PRIM2: variants seen among roughly 807,000 people sequenced by gnomAD.
PRIM2 encodes the protein DNA primase large subunit.
Under a neutral mutation model 67.3 loss-of-function variants are expected in PRIM2, and 39 were observed. That is an observed-to-expected ratio of 0.58 (90% CI 0.45 to 0.76). The LOEUF (loss-of-function observed/expected upper bound fraction) is 0.76, where lower values mean the gene tolerates loss of function less well. Among genes scored for constraint, PRIM2 ranks in the 30% least tolerant of loss-of-function variants. The pLI, the probability that PRIM2 is intolerant of heterozygous loss-of-function variation, is 0.00. For synonymous variants in PRIM2, 143 were observed against 198.7 expected (o/e 0.72, Z 2.36); for missense variants, 398 against 598.7 (o/e 0.66, Z 3.50).
At chr6:57,474,633 C>T (rs1773430804) in intron 7 of PRIM2, among the ~76,000 whole-genome samples, 1 of 151,916 alleles carries the variant, frequency 6.6e-6, no homozygotes, top group Non-Finnish European at 1.5e-5. Context: ...AGGGAGAATA[C>T]TACTACTGCT....
At chr6:57,493,087 A>G (rs1554346114) in intron 7 of PRIM2, among the ~76,000 whole-genome samples, 2 of 152,208 alleles carry the variant, frequency 1.3e-5, no homozygotes, top group African/African-American at 4.8e-5. Flanking sequence ...TTCCGCCTGG[A>G]TGCTTAACAG....
chr6:57,507,260 G>T (rs2127459609), intron 7 of PRIM2, 127 bp from the exon 8 acceptor site: 1 of 867,940 alleles, frequency 1.2e-6, no homozygotes, highest in Non-Finnish European at 1.7e-6. Flanking sequence ...TGAAAAAAGA[G>T]AAATAGAACC....
chr6:57,242,024 A>G, the PRIM2 span, among the ~76,000 whole-genome samples: 2 of 152,188 alleles, frequency 1.3e-5, no homozygotes, highest in Non-Finnish European at 2.9e-5. Context: ...AAGACATTAC[A>G]TTAAAATTTT....
At position 57,532,413 on chromosome 6, in the gene PRIM2, A is replaced by G. The variant is rs1774911356; in HGVS notation, c.764A>G (p.His255Arg). Residue 255 changes from histidine to arginine, a missense_variant and splice_region_variant, in exon 9 of 14, where the codon CAT (histidine) becomes CGT (arginine). Physicochemically the swap from His to Arg is conservative, Grantham distance 29 (BLOSUM62 0). Transcript: ENST00000615550. ...TATTTTTTTTTCTTTTTTTAAAGTC[A>G]TTCCTACACTGGCCAAGATTACAGT... is the stretch of plus-strand genomic sequence containing the variant. The part of the protein sequence containing the change: ...RLQPLLNHLS[H>R]SYTGQDYSTQ... 2.2e-6 allele frequency: 3 copies of G among 1,347,318 alleles called. No individual in the cohort carries two copies. The Admixed American group carries it at 8.0e-5, about 36-fold the overall frequency. The allele number at this position is 1,347,318 out of a possible 1,614,324, so 83.5% of individuals were successfully genotyped here.
chr6:57,468,245 G>A (rs1244742997), intron 7 of PRIM2, among the ~76,000 whole-genome samples: 12 of 152,276 alleles, frequency 7.9e-5, no homozygotes, highest in East Asian at 3.8e-4. Flanking sequence ...TGCCCATTCC[G>A]TATGATATTG....
chr6:57,246,870 T>C, the PRIM2 span, among the ~76,000 whole-genome samples: 1 of 151,934 alleles, frequency 6.6e-6, no homozygotes, highest in Non-Finnish European at 1.5e-5. Flanking sequence ...TTTTTTTTTT[T>C]TTGAGACGGA....
chr6:57,446,097 A>C (rs530241857), intron 7 of PRIM2, among the ~76,000 whole-genome samples: 4 of 152,322 alleles, frequency 2.6e-5, no homozygotes, highest in Admixed American at 1.3e-4. Flanking sequence ...TGAGGAGTAA[A>C]TACTTCCTCA....
At chr6:57,290,479 T>G in the PRIM2 span, among the ~76,000 whole-genome samples, 1 of 152,186 alleles carries the variant, frequency 6.6e-6, no homozygotes, top group African/African-American at 2.4e-5. Flanking sequence ...ATCCAGGACT[T>G]GAACTCACCT....
At chr6:57,522,686 A>G (rs1774651079) in intron 8 of PRIM2, among the ~76,000 whole-genome samples, 1 of 152,152 alleles carries the variant, frequency 6.6e-6, no homozygotes, top group Non-Finnish European at 1.5e-5. Context: ...ACTATGAAAA[A>G]TTGTGAATGA....
intron 10 of PRIM2, among the ~76,000 whole-genome samples, chr6:57,600,468 C>A (rs1465233769): frequency 6.6e-6 from 1 of 152,000 alleles, no homozygotes; most frequent in African/African-American, 2.4e-5. Context: ...AGTGATAATT[C>A]TGCCTCAGGC....
At chr6:57,288,708 G>A in the PRIM2 span, among the ~76,000 whole-genome samples, 2 of 152,104 alleles carry the variant, frequency 1.3e-5, no homozygotes, top group African/African-American at 4.8e-5. Flanking sequence ...GCAGCTGAGG[G>A]GCCTGACTGT....
chr6:57,246,582 G>A, the PRIM2 span, among the ~76,000 whole-genome samples: 1 of 152,092 alleles, frequency 6.6e-6, no homozygotes, highest in Non-Finnish European at 1.5e-5. Flanking sequence ...CACTAATCAG[G>A]GTGTAGGTAC....
rs1774614605 is a variant in PRIM2, at chr6:57,521,336, A to G, written c.762-11075A>G. Among the ~76,000 whole-genome samples the G allele has an allele frequency of 2.8e-5, 4 of 142,370 alleles. No individual in the cohort carries two copies. The South Asian group carries it at 8.9e-4, about 32-fold the overall frequency. The allele number at this position is 142,370 out of a possible 152,430, so 93.4% of individuals were successfully genotyped here. A position where few individuals can be genotyped will look rare whatever the true frequency, so the allele number is the denominator to read the frequency against. On this transcript the variant is annotated intron_variant, in intron 8 of 13. Coordinates refer to ENST00000615550, the MANE Select transcript of PRIM2 (RefSeq NM_000947.5). ...AAAGTGCAGGGACTGTGCTTTCTAA[A>G]TGTCTGAGTGGCTTAGTTTATGTGG...
At position 57,542,939 on chromosome 6, in the gene PRIM2, A is replaced by ATTTTTTTTTTTTTTTTTTTTTTTTTTTT. The variant is rs1193756482; in HGVS notation, c.1020+5333_1020+5334insTTTTTTTTTTTTTTTTTTTTTTTTTTTT. ...GTTGGCTTAAAATACTGCTTATAGG[A>ATTTTTTTTTTTTTTTTTTTTTTTTTTTT]TTTTTTTTTTTTTTTTTTTGAGACG... On this transcript the variant is annotated intron_variant, in intron 10 of 13. Transcript: ENST00000615550. Among the ~76,000 whole-genome samples the ATTTTTTTTTTTTTTTTTTTTTTTTTTTT allele has an allele frequency of 3.6e-4, 26 of 71,898 alleles. 8 individuals are homozygous for ATTTTTTTTTTTTTTTTTTTTTTTTTTTT. The highest frequency in any genetic ancestry group is 5.2e-4 in the Non-Finnish European group (20 of 38,826). The allele number at this position is 71,898 out of a possible 152,430, so 47.2% of individuals were successfully genotyped here.
intron 13 of PRIM2, among the ~76,000 whole-genome samples, chr6:57,639,751 C>CAA (rs1240205960): frequency 4.3e-5 from 6 of 138,238 alleles, no homozygotes; most frequent in African/African-American, 1.3e-4. Flanking sequence ...GCCTATCAAC[C>CAA]AAAAAAAAAA....
chr6:57,263,654 C>G, the PRIM2 span, among the ~76,000 whole-genome samples: 1 of 152,130 alleles, frequency 6.6e-6, no homozygotes, highest in Non-Finnish European at 1.5e-5. Flanking sequence ...TTTCAAAATA[C>G]CTTCTTGGGG....
At chr6:57,492,032 C>A (rs1382518440) in intron 7 of PRIM2, among the ~76,000 whole-genome samples, 1 of 152,104 alleles carries the variant, frequency 6.6e-6, no homozygotes, top group East Asian at 1.9e-4. Flanking sequence ...TTAGGCAAGC[C>A]CCCTGTGTAA....
chr6:57,392,905 A>G (rs187159436), intron 7 of PRIM2, among the ~76,000 whole-genome samples: 315 of 149,152 alleles, frequency 2.1e-3, no homozygotes, highest in Non-Finnish European at 3.4e-3. Context: ...TTGGTTTTCC[A>G]TTCCTGAGTT....
At chr6:57,329,281 G>A (rs749262364) in intron 5 of PRIM2, among the ~76,000 whole-genome samples, 1 of 151,958 alleles carries the variant, frequency 6.6e-6, no homozygotes, top group South Asian at 2.1e-4. Flanking sequence ...TAGCTCTTAC[G>A]TTTATATCTG....
Sources: allele counts gnomAD v4.1 joint callset (sites outside exome capture counted in the v4.1 genomes callset), GRCh38; gene constraint gnomAD v4.1.1; transcripts MANE v1.5; gene names NCBI Gene and HGNC (gene_info 2026-07-23, HGNC 2026-07-21).